PPP2R2B: variants seen among roughly 807,000 people sequenced by gnomAD.
PPP2R2B encodes protein phosphatase 2 regulatory subunit Bbeta, also known as serine/threonine-protein phosphatase 2A 55 kDa regulatory subunit B beta isoform.
Under a neutral mutation model 46.0 loss-of-function variants are expected in PPP2R2B, and 5 were observed. That is an observed-to-expected ratio of 0.11 (90% CI 0.06 to 0.23). PPP2R2B has a LOEUF of 0.23. PPP2R2B is among the 10% of genes least tolerant of loss of function. The pLI is 1.00. For missense variants in PPP2R2B, 367 were observed against 575.0 expected (o/e 0.64, Z 3.70); for synonymous variants, 215 against 206.7 (o/e 1.04, Z -0.34).
chr5:146,751,375 G>A (rs1450038185), intron 2 of PPP2R2B: 4 of 152,210 alleles, frequency 2.6e-5, no homozygotes, highest in African/African-American at 9.6e-5. Flanking sequence ...GAGGTGAACA[G>A]TTTTCTGATG....
chr5:147,066,950 C>G (rs1757431353), intron 2 of PPP2R2B, among the ~76,000 whole-genome samples: 2 of 152,112 alleles, frequency 1.3e-5, no homozygotes, highest in African/African-American at 4.8e-5. Context: ...GTCTTTCCTC[C>G]TTTAATATTT....
intron 1 of PPP2R2B, among the ~76,000 whole-genome samples, chr5:146,945,347 A>C (rs1191676350): frequency 6.6e-6 from 1 of 152,230 alleles, no homozygotes; most frequent in East Asian, 1.9e-4. Context: ...AAGCAACCTA[A>C]AACTGGGTGG....
chr5:146,595,040 A>G (rs1033822781), intron 8 of PPP2R2B, among the ~76,000 whole-genome samples: 3 of 152,164 alleles, frequency 2.0e-5, no homozygotes, highest in Admixed American at 2.0e-4. Flanking sequence ...GTATTTGAAA[A>G]GCTCTGAGTT....
At chr5:147,063,432 G>A (rs1266526983) in intron 2 of PPP2R2B, among the ~76,000 whole-genome samples, 3 of 152,012 alleles carry the variant, frequency 2.0e-5, no homozygotes, top group Non-Finnish European at 4.4e-5. Context: ...GCTGTATTTG[G>A]GCTATGCACT....
intron 2 of PPP2R2B, among the ~76,000 whole-genome samples, chr5:146,736,417 T>A (rs1042792829): frequency 6.6e-5 from 10 of 152,178 alleles, no homozygotes; most frequent in South Asian, 4.1e-4. Flanking sequence ...AATCTTATGA[T>A]CTAGTTGTTA....
At chr5:146,958,721 G>A (rs914810842) in intron 1 of PPP2R2B, among the ~76,000 whole-genome samples, 1 of 152,124 alleles carries the variant, frequency 6.6e-6, no homozygotes, top group African/African-American at 2.4e-5. Flanking sequence ...AACTTGAAAG[G>A]CCATAGTATA....
chr5:147,041,830 G>T (rs1257760375), intron 1 of PPP2R2B, among the ~76,000 whole-genome samples: 1 of 152,096 alleles, frequency 6.6e-6, no homozygotes, highest in Non-Finnish European at 1.5e-5. Context: ...TGATGACAGT[G>T]TAATGCCCAA....
intron 2 of PPP2R2B, among the ~76,000 whole-genome samples, chr5:147,073,293 A>G (rs1391876255): frequency 6.6e-6 from 1 of 152,210 alleles, no homozygotes; most frequent in Non-Finnish European, 1.5e-5. Context: ...ATGTTATGCA[A>G]AGAACCCGCT....
intron 1 of PPP2R2B, among the ~76,000 whole-genome samples, chr5:146,940,653 C>T (rs1035281605): frequency 1.3e-5 from 2 of 152,118 alleles, no homozygotes; most frequent in East Asian, 1.9e-4. Context: ...TCCTTTTCTT[C>T]GTATAAACTT....
intron 1 of PPP2R2B, among the ~76,000 whole-genome samples, chr5:147,011,411 A>G (rs1327656905): frequency 6.6e-6 from 1 of 152,174 alleles, no homozygotes; most frequent in East Asian, 1.9e-4. Context: ...TATCACAAAT[A>G]AACTATATAT....
At chr5:146,658,328 C>T (rs922699214) in intron 5 of PPP2R2B, among the ~76,000 whole-genome samples, 2 of 152,122 alleles carry the variant, frequency 1.3e-5, no homozygotes, top group African/African-American at 2.4e-5. Flanking sequence ...ATTCCGGCCT[C>T]GCTTCAAATT....
upstream of PPP2R2B, among the ~76,000 whole-genome samples, chr5:147,059,262 T>A (rs1757185374): frequency 6.6e-6 from 1 of 152,208 alleles, no homozygotes; most frequent in African/African-American, 2.4e-5. Context: ...TCTTTGGGAT[T>A]ATAAAGCCCC....
intron 1 of PPP2R2B, among the ~76,000 whole-genome samples, chr5:146,901,017 T>TTATC (rs1762818951): frequency 6.6e-6 from 1 of 152,204 alleles, no homozygotes; most frequent in Admixed American, 6.6e-5. Context: ...CACATTTTCT[T>TTATC]TATCCAGTCT....
intron 1 of PPP2R2B, among the ~76,000 whole-genome samples, chr5:146,896,182 A>G (rs1371276394): frequency 6.6e-6 from 1 of 152,180 alleles, no homozygotes; most frequent in African/African-American, 2.4e-5. Flanking sequence ...AGGGTAGGCA[A>G]TGACATTTTA....
At chr5:147,017,709 A>C (rs1421619349) in intron 1 of PPP2R2B, among the ~76,000 whole-genome samples, 4 of 148,976 alleles carry the variant, frequency 2.7e-5, no homozygotes, top group African/African-American at 9.7e-5. Flanking sequence ...AGTAAGATAC[A>C]AGCAAAAAAG....
chr5:146,969,481 G>A lies in PPP2R2B; in HGVS notation c.79+86184C>T, dbSNP rs914444502. Among the ~76,000 whole-genome samples, 10 of 152,292 alleles carry A rather than the reference G, an allele frequency of 6.6e-5. No homozygotes were observed. In the South Asian group the frequency reaches 2.1e-3, roughly 32 times the overall value. ...GTCTTAAAGATGGTGAGTACTTACTGACAGTTTATATAAGTGAGGGCACCC... is the reference window on the plus strand; with the variant it reads ...GTCTTAAAGATGGTGAGTACTTACTAACAGTTTATATAAGTGAGGGCACCC... On this transcript the variant is annotated intron_variant, in intron 1 of 8. Coordinates refer to the PPP2R2B transcript ENST00000336640.
At chr5:146,815,609 G>A (rs1044479498) in intron 2 of PPP2R2B, among the ~76,000 whole-genome samples, 5 of 152,232 alleles carry the variant, frequency 3.3e-5, no homozygotes, top group African/African-American at 1.2e-4. Flanking sequence ...CTGCCTAAAG[G>A]CATTTGAATT....
At chr5:146,893,879 A>G (rs1010892282) in intron 1 of PPP2R2B, among the ~76,000 whole-genome samples, 12 of 81,228 alleles carry the variant, frequency 1.5e-4, no homozygotes, top group African/African-American at 5.6e-4. Context: ...TTAAAGTAAA[A>G]TTGAAAAAAA....
intron 1 of PPP2R2B, among the ~76,000 whole-genome samples, chr5:147,054,361 T>A (rs1455652099): frequency 6.6e-6 from 1 of 152,156 alleles, no homozygotes; most frequent in East Asian, 1.9e-4. Flanking sequence ...CATTTTTTCA[T>A]TCCTCTCATC....
Sources: allele counts gnomAD v4.1 joint callset (sites outside exome capture counted in the v4.1 genomes callset), GRCh38; gene constraint gnomAD v4.1.1; transcripts MANE v1.5; gene names NCBI Gene and HGNC (gene_info 2026-07-23, HGNC 2026-07-21).